Variants in KPNA4 observed in about 807,000 individuals in gnomAD.
KPNA4 encodes the protein karyopherin subunit alpha 4.
KPNA4 carries 13 observed loss-of-function variants against 71.3 expected under a neutral mutation model. That is an observed-to-expected ratio of 0.18 (90% confidence interval 0.12 to 0.29). The LOEUF is 0.29. Ranked by LOEUF, KPNA4 falls within the 10% of genes least tolerant of loss-of-function variation. The pLI is 1.00. For synonymous variants in KPNA4, 189 were observed against 195.2 expected, an observed-to-expected ratio of 0.97 and a Z score of 0.26; for missense variants, 334 against 603.2, an observed-to-expected ratio of 0.55 and a Z score of 4.67.
rs1292729395 is a variant in KPNA4 at position 160,538,109 on chromosome 3, CTATATATATATATG to C, written c.70-1283_70-1270del. Among the ~76,000 whole-genome samples, 3 of 148,082 alleles carry C rather than the reference CTATATATATATATG, an allele frequency of 2.0e-5. No individual in the cohort carries two copies. In the Admixed American group the frequency reaches 2.0e-4, roughly 10 times the overall value. On this transcript the variant is annotated intron_variant, in intron 1 of 16. Coordinates refer to ENST00000334256, the MANE Select transcript of KPNA4 (RefSeq NM_002268.5). Reference sequence around the variant, plus strand: ...TTTTAAATACAGACACACACACACACTATATATATATATGTATATATATGTATGTATATATGTAT... The same window carrying C: ...TTTTAAATACAGACACACACACACACTATATATATGTATGTATATATGTAT...
At chr3:160,526,293 G>A (rs1486431130) in intron 8 of KPNA4, among the ~76,000 whole-genome samples, 186 bp from the exon 9 acceptor site, 3 of 152,138 alleles carry the variant, frequency 2.0e-5, no homozygotes, top group Non-Finnish European at 4.4e-5. Context: ...AAAGTGATAA[G>A]GTATTCTTTT....
At chr3:160,509,735 A>G in intron 14 of KPNA4, 65 bp downstream of exon 14, 1 of 1,082,506 alleles carries the variant, frequency 9.2e-7, no homozygotes, top group East Asian at 2.4e-5. Flanking sequence ...TCAAATCTAA[A>G]TCAATATTAC....
chr3:160,521,344 A>G (rs1721345653), intron 11 of KPNA4, among the ~76,000 whole-genome samples: 1 of 152,244 alleles, frequency 6.6e-6, no homozygotes, highest in South Asian at 2.1e-4. Flanking sequence ...CACACCTGTA[A>G]TCTCAGCACT....
Position 160,521,819 on chromosome 3 carries a change from T to G in KPNA4, c.863A>C (p.His288Pro). The G allele has an allele frequency of 6.2e-7, 1 of 1,612,628 alleles. No individual in the cohort carries two copies. Among genetic ancestry groups the G allele is most frequent in the Non-Finnish European group, 8.5e-7 (1 of 1,179,920 alleles). Residue 288 changes from histidine (H) to proline (P), a missense_variant, in exon 11 of 17, where the codon CAT becomes CCT. By Grantham distance (77) the His-to-Pro change is moderately conservative. Transcript: ENST00000334256. ...QMVIDSGIVP[H>P]LVPLLSHQEV... ...CTGGTGGCTGAGCAGAGGAACCAAA[T>G]GAGGAACTATTCCAGAGTCTATTAC...
intron 1 of KPNA4, among the ~76,000 whole-genome samples, chr3:160,542,990 CTA>C (rs1355222531): frequency 6.6e-6 from 1 of 152,110 alleles, no homozygotes; most frequent in East Asian, 1.9e-4. Context: ...TAGAGTTTCA[CTA>C]TCTCTTCAAC....
intron 10 of KPNA4, among the ~76,000 whole-genome samples, chr3:160,524,097 C>G (rs1282207173): frequency 6.6e-6 from 1 of 152,130 alleles, no homozygotes; most frequent in Non-Finnish European, 1.5e-5. Flanking sequence ...AAACTTCTAA[C>G]ACATTATTTA....
At chr3:160,523,025 G>A (rs1338953466) in intron 10 of KPNA4, among the ~76,000 whole-genome samples, 1 of 152,112 alleles carries the variant, frequency 6.6e-6, no homozygotes, top group African/African-American at 2.4e-5. Context: ...TGACCAAAGG[G>A]CAGTATGACA....
chr3:160,512,782 A>G (rs1425559473), intron 13 of KPNA4, among the ~76,000 whole-genome samples: 1 of 152,182 alleles, frequency 6.6e-6, no homozygotes, highest in Non-Finnish European at 1.5e-5. Flanking sequence ...CAGTGAGCTG[A>G]TATCGTGTCA....
intron 12 of KPNA4, among the ~76,000 whole-genome samples, chr3:160,514,565 C>T (rs1050208840): frequency 3.3e-5 from 5 of 152,188 alleles, no homozygotes; most frequent in African/African-American, 1.2e-4. Flanking sequence ...GTGCCCTTCC[C>T]TCACATAATG....
intron 1 of KPNA4, among the ~76,000 whole-genome samples, chr3:160,539,008 G>T (rs1443789514): frequency 3.9e-5 from 6 of 152,132 alleles, no homozygotes; most frequent in African/African-American, 1.4e-4. Flanking sequence ...TACTTAAACT[G>T]TCCCTGGTAC....
At chr3:160,562,787 TAAACA>T (rs1176040979) in intron 1 of KPNA4, among the ~76,000 whole-genome samples, 3 of 152,186 alleles carry the variant, frequency 2.0e-5, no homozygotes, top group African/African-American at 7.2e-5. Context: ...TATGAATTTC[TAAACA>T]AAACAAAACA....
At chr3:160,553,785 A>G (rs1577063201) in intron 1 of KPNA4, among the ~76,000 whole-genome samples, 1 of 152,242 alleles carries the variant, frequency 6.6e-6, no homozygotes, top group East Asian at 1.9e-4. Context: ...AAGCTTTTGC[A>G]TAAATCTCAA....
intron 7 of KPNA4, among the ~76,000 whole-genome samples, chr3:160,529,866 A>AC (rs912914356): frequency 6.6e-6 from 1 of 151,504 alleles, no homozygotes; most frequent in Non-Finnish European, 1.5e-5. Flanking sequence ...GTGGTGGCTC[A>AC]CACCTGTAAT....
intron 1 of KPNA4, among the ~76,000 whole-genome samples, chr3:160,552,368 A>C (rs1722057471): frequency 6.6e-6 from 1 of 152,164 alleles, no homozygotes; most frequent in African/African-American, 2.4e-5. Context: ...GATAACCTTA[A>C]AAATAAAAAT....
At chr3:160,505,092 A>C in intron 15 of KPNA4, 40 bp from the exon 16 acceptor site, 1 of 1,061,346 alleles carries the variant, frequency 9.4e-7, no homozygotes, top group Non-Finnish European at 1.4e-6. Context: ...AGTAATATTT[A>C]AAGAGCAGTG....
chr3:160,546,534 C>G (rs1452214495), intron 1 of KPNA4, among the ~76,000 whole-genome samples: 1 of 152,090 alleles, frequency 6.6e-6, no homozygotes, highest in Non-Finnish European at 1.5e-5. Flanking sequence ...AAAGAAGAAT[C>G]TGTGAGAATA....
Position 160,501,129 on chromosome 3 carries a change from A to G in KPNA4, c.*975T>C, listed in dbSNP as rs1345498925. ...GAAATTTATGATTTTTTTCATGCAA[A>G]AATCTACACAAATTAGTTTTGATGA... On this transcript the variant is annotated 3_prime_UTR_variant, in exon 17 of 17. Coordinates refer to ENST00000334256, the MANE Select transcript of KPNA4 (RefSeq NM_002268.5). The G allele has an allele frequency of 1.3e-5, 2 of 152,484 alleles. No individual in the cohort carries two copies. Among genetic ancestry groups the G allele is most frequent in the African/African-American group, 4.8e-5 (2 of 41,384 alleles). The allele number at this position is 152,484 out of a possible 1,614,324, so 9.4% of individuals were successfully genotyped here. A position where few individuals can be genotyped will look rare whatever the true frequency, so the allele number is the denominator to read the frequency against.
intron 1 of KPNA4, among the ~76,000 whole-genome samples, chr3:160,556,470 G>A (rs961764654): frequency 1.3e-5 from 2 of 152,120 alleles, no homozygotes; most frequent in African/African-American, 4.8e-5. Context: ...TGACTAATGA[G>A]GCGGATCCTA....
rs374462804 is a variant in KPNA4, at chr3:160,498,740, A to G, written c.*3364T>C. 1.3e-5 allele frequency: 2 copies of G among 152,214 alleles called. No homozygotes were observed. Among genetic ancestry groups the G allele is most frequent in the South Asian group, 4.1e-4 (2 of 4,832 alleles). 9.4% of individuals were successfully genotyped at this position (152,214 alleles called of 1,614,324 possible). On this transcript the variant is annotated 3_prime_UTR_variant, in exon 17 of 17. Coordinates refer to ENST00000334256, the MANE Select transcript of KPNA4 (RefSeq NM_002268.5). ...ATAAAAGAGGACCCCCTAGCTTCAG[A>G]TAAGACTGCAGCTCTGGCTGACACC...
Sources: gnomAD v4.1 joint callset for allele counts (sites outside exome capture counted in the v4.1 genomes callset) on GRCh38, gnomAD v4.1.1 for gene constraint, MANE v1.5 for transcripts, NCBI Gene and HGNC (gene_info 2026-07-23, HGNC 2026-07-21) for gene names.